MOG: variants seen among roughly 807,000 people sequenced by gnomAD.
MOG encodes myelin oligodendrocyte glycoprotein.
MOG carries 20 observed loss-of-function variants against 35.9 expected under a neutral mutation model. That is an observed-to-expected ratio of 0.56 (90% CI 0.39 to 0.81). The LOEUF is 0.81. Ranked by LOEUF, MOG falls within the 30% of genes least tolerant of loss-of-function variation. The pLI, the probability that MOG is intolerant of heterozygous loss-of-function variation, is 0.00. For missense variants in MOG, 251 were observed against 301.0 expected (o/e 0.83, Z 1.23); for synonymous variants, 92 against 114.3 (o/e 0.80, Z 1.25).
Position 29,670,057 on chromosome 6 carries a change from C to T in MOG, c.593-224C>T, listed in dbSNP as rs1424678977. ...GTGTTGGGATTACAGGCATGAGCCA[C>T]CACACCTGGCAGTTGTTACATTTTT... is the stretch of plus-strand genomic sequence containing the variant. On this transcript the variant is annotated intron_variant, in intron 5 of 7. Coordinates refer to ENST00000376917, the MANE Select transcript of MOG (RefSeq NM_206809.4). This position sits in a 1 kb window ranked among gnomAD's most constrained non-coding sequence, Gnocchi z 4.2. The T allele has an allele frequency of 4.9e-6, 4 of 808,920 alleles. No individual in the cohort carries two copies. The highest frequency in any genetic ancestry group is 8.5e-6 in the Non-Finnish European group (4 of 471,114). 50.1% of individuals were successfully genotyped at this position (808,920 alleles called of 1,614,324 possible).
rs1769061075 is a variant in MOG, at chr6:29,662,550, G to A, written c.436+2884G>A. 6.6e-6 allele frequency among the ~76,000 whole-genome samples: 1 copy of A among 150,664 alleles called. No homozygotes were observed. Among genetic ancestry groups the A allele is most frequent in the Non-Finnish European group, 1.5e-5 (1 of 67,816 alleles). On this transcript the variant is annotated intron_variant, in intron 2 of 7. Coordinates refer to ENST00000376917, the MANE Select transcript of MOG (RefSeq NM_206809.4). The surrounding 1 kb of genome is among the most constrained non-coding windows in gnomAD (Gnocchi z 4.2). ...TGAGCCTCCAAGTGCCTACCACCTT[G>A]CTGCAGCACTTGTCAATCCAGGGAC... is the stretch of plus-strand genomic sequence containing the variant.
Position 29,671,295 on chromosome 6 carries a change from G to A in MOG, c.*110G>A. On this transcript the variant is annotated 3_prime_UTR_variant, in exon 8 of 8. Coordinates refer to ENST00000376917, the MANE Select transcript of MOG (RefSeq NM_206809.4). ...CACTCACTGGCATCTTTGCTATGGG[G>A]ACATTCCAATTTGCACTTTCAGGAA... 1.9e-6 allele frequency: 3 copies of A among 1,611,694 alleles called. No homozygotes were observed. The highest frequency in any genetic ancestry group is 2.5e-6 in the Non-Finnish European group (3 of 1,179,976).
At position 29,670,465 on chromosome 6, in the gene MOG, C is replaced by A; in HGVS notation, c.709+68C>A. On this transcript the variant is annotated intron_variant, in intron 6 of 7. Coordinates refer to ENST00000376917, the MANE Select transcript of MOG (RefSeq NM_206809.4). The surrounding 1 kb of genome is among the most constrained non-coding windows in gnomAD (Gnocchi z 4.2). The stretch of plus-strand genomic sequence containing the variant: ...GACCAAGTCAGCTCTGAATGGGAAG[C>A]CAAAAGAGAATAGAACCAGGACTCA... The A allele has an allele frequency of 1.3e-6, 2 of 1,548,552 alleles. No individual in the cohort carries two copies. Among genetic ancestry groups the A allele is most frequent in the Non-Finnish European group, 1.8e-6 (2 of 1,121,990 alleles).
chr6:29,666,054 C>T, intron 2 of MOG, 98 bp from the exon 3 acceptor site: 1 of 823,016 alleles, frequency 1.2e-6, no homozygotes, highest in Non-Finnish European at 2.2e-6. Flanking sequence ...TGATGATATT[C>T]ACTTCTTTAT....
In MOG at chr6:29,670,110, T is replaced by C; in HGVS notation, c.593-171T>C. On this transcript the variant is annotated intron_variant, in intron 5 of 7. Coordinates refer to ENST00000376917, the MANE Select transcript of MOG (RefSeq NM_206809.4). The surrounding 1 kb of genome is among the most constrained non-coding windows in gnomAD (Gnocchi z 4.2). ...TGAAAGAAAATGTTAAATCCAGTTA[T>C]TGAAAATAAGGAGGCAGTACTTTTC... 1 of 1,112,864 alleles carries C rather than the reference T, an allele frequency of 9.0e-7. No individual in the cohort carries two copies. The highest frequency in any genetic ancestry group is 1.4e-6 in the Non-Finnish European group (1 of 726,738). The allele number at this position is 1,112,864 out of a possible 1,614,324, so 68.9% of individuals were successfully genotyped here.
At position 29,662,023 on chromosome 6, in the gene MOG, AG is replaced by A; in HGVS notation, c.436+2359del. The A allele has an allele frequency of 2.0e-6, 2 of 985,394 alleles. No individual in the cohort carries two copies. Among genetic ancestry groups the A allele is most frequent in the Non-Finnish European group, 2.4e-6 (2 of 829,930 alleles). 61.0% of individuals were successfully genotyped at this position (985,394 alleles called of 1,614,324 possible). ...GGAGCCAGGAAGTTGAGACAAATTT[AG>A]GAATGAGATGAAGTAATGGTATTAT... On this transcript the variant is annotated intron_variant, in intron 2 of 7. Coordinates refer to ENST00000376917, the MANE Select transcript of MOG (RefSeq NM_206809.4). This position sits in a 1 kb window ranked among gnomAD's most constrained non-coding sequence, Gnocchi z 4.2.
chr6:29,667,919 CT>C lies in MOG; in HGVS notation c.591del (p.Phe197LeufsTer6). The C allele has an allele frequency of 6.2e-7, 1 of 1,613,272 alleles. No homozygotes were observed. Among genetic ancestry groups the C allele is most frequent in the Non-Finnish European group, 8.5e-7 (1 of 1,180,004 alleles). Reference sequence around the variant, plus strand: ...TCTCTTTCAGAGAATCTCCACCGGACTTTTGGTAAGTTCCGGCATGTCTAGG... The same window carrying C: ...TCTCTTTCAGAGAATCTCCACCGGACTTTGGTAAGTTCCGGCATGTCTAGG... ...LRAEIENLHR[T>X]FDPHFLRVPC... On this transcript the variant is annotated frameshift_variant, in exon 5 of 8. Transcript: ENST00000376917. LOFTEE classifies it high-confidence loss of function.
At chr6:29,657,348 C>T in intron 1 of MOG, 51 bp downstream of exon 1, 1 of 1,392,612 alleles carries the variant, frequency 7.2e-7, no homozygotes, top group Non-Finnish European at 1.0e-6. Context: ...AACAGAAAGG[C>T]TAGTTTCCTG....
At chr6:29,668,024 C>T in intron 5 of MOG, 100 bp downstream of exon 5, 1 of 1,055,872 alleles carries the variant, frequency 9.5e-7, no homozygotes, top group Non-Finnish European at 1.5e-6. Context: ...TGGTTGAGTC[C>T]CTTCCTCTCT....
At chr6:29,661,667 A>C in intron 2 of MOG, 1 of 826,596 alleles carries the variant, frequency 1.2e-6, no homozygotes, top group Non-Finnish European at 1.5e-6. Flanking sequence ...CTAAAAACAC[A>C]AAATTAGCCT....
chr6:29,663,852 C>CCTT, intron 2 of MOG: 1 of 593,312 alleles, frequency 1.7e-6, no homozygotes, highest in Non-Finnish European at 2.1e-6. Flanking sequence ...CAATGATAGA[C>CCTT]AGGAGCCTTA....
rs138169338 is a variant in MOG, at chr6:29,659,445, C to G, written c.215C>G (p.Pro72Arg). The change falls in exon 2 of 8, where the codon CCC becomes CGC. Residue 72 changes from proline to arginine, a missense_variant. Transcript: ENST00000376917. ...ATGGAGGTGGGGTGGTACCGCCCCC[C>G]CTTCTCTAGGGTGGTTCATCTCTAC... ...TGMEVGWYRP[P>R]FSRVVHLYRN... 1.9e-6 allele frequency: 3 copies of G among 1,612,888 alleles called. No homozygotes were observed. The highest frequency in any genetic ancestry group is 2.7e-5 in the African/African-American group (2 of 74,896).
In MOG at chr6:29,670,457, A is replaced by G; in HGVS notation, c.709+60A>G. ...TAGTGGGGGACCAAGTCAGCTCTGA[A>G]TGGGAAGCCAAAAGAGAATAGAACC... On this transcript the variant is annotated intron_variant, in intron 6 of 7. Transcript: ENST00000376917. The surrounding 1 kb of genome is among the most constrained non-coding windows in gnomAD (Gnocchi z 4.2). 6.4e-7 allele frequency: 1 copy of G among 1,560,878 alleles called. No individual in the cohort carries two copies.
rs1261027724 is a variant in MOG at position 29,671,402 on chromosome 6, C to G, written c.*217C>G. 6.2e-7 allele frequency: 1 copy of G among 1,612,618 alleles called. No individual in the cohort carries two copies. The highest frequency in any genetic ancestry group is 2.2e-5 in the East Asian group (1 of 44,876). Reference sequence around the variant, plus strand: ...TCATTTTCCCATTTTTATTACCCTTCTTTCCATTTCTCTCTCCAGTCTTCC... The same window carrying G: ...TCATTTTCCCATTTTTATTACCCTTGTTTCCATTTCTCTCTCCAGTCTTCC... On this transcript the variant is annotated 3_prime_UTR_variant, in exon 8 of 8. Transcript: ENST00000376917.
intron 3 of MOG, among the ~76,000 whole-genome samples, chr6:29,666,939 C>T (rs2857770): frequency 0.072 from 10,899 of 152,156 alleles, 732 homozygotes; most frequent in African/African-American, 0.17. Context: ...GGGGAATGTT[C>T]TGGGGGAATG....
chr6:29,660,830 T>C, intron 2 of MOG, among the ~76,000 whole-genome samples: 1 of 150,918 alleles, frequency 6.6e-6, no homozygotes, highest in African/African-American at 2.4e-5. Context: ...TGCCTCAGCC[T>C]CCCGAGTAGC....
chr6:29,658,314 G>T (rs1254032036), intron 1 of MOG, among the ~76,000 whole-genome samples: 1 of 152,170 alleles, frequency 6.6e-6, no homozygotes, highest in African/African-American at 2.4e-5. Flanking sequence ...AGGTCTAGGG[G>T]AGAAAGCAGC....
intron 5 of MOG, among the ~76,000 whole-genome samples, chr6:29,668,151 T>C (rs2071653): frequency 0.8 from 121,052 of 152,178 alleles, 48,389 homozygotes; most frequent in East Asian, 0.85. Context: ...TTTACAAAAA[T>C]GTTATCTTAT....
chr6:29,662,080 T>G lies in MOG; in HGVS notation c.436+2414T>G, dbSNP rs1450442891. The G allele has an allele frequency of 9.1e-6, 9 of 985,334 alleles. No individual in the cohort carries two copies. In the East Asian group the frequency reaches 1.0e-3, roughly 112 times the overall value. The allele number at this position is 985,334 out of a possible 1,614,324, so 61.0% of individuals were successfully genotyped here. On this transcript the variant is annotated intron_variant, in intron 2 of 7. Coordinates refer to ENST00000376917, the MANE Select transcript of MOG (RefSeq NM_206809.4). This position sits in a 1 kb window ranked among gnomAD's most constrained non-coding sequence, Gnocchi z 4.2. ...GTCTCAGGTGTAACTACCTCTGCTCTTTCTCTGAAGAGTTTCTAATTTCTC... is the reference window on the plus strand; with the variant it reads ...GTCTCAGGTGTAACTACCTCTGCTCGTTCTCTGAAGAGTTTCTAATTTCTC...
Sources: allele counts gnomAD v4.1 joint callset (sites outside exome capture counted in the v4.1 genomes callset), GRCh38; gene constraint gnomAD v4.1.1; non-coding constraint Gnocchi (gnomAD v3.1); transcripts MANE v1.5; gene names NCBI Gene and HGNC (gene_info 2026-07-23, HGNC 2026-07-21).